RBFOX1: variants seen among roughly 807,000 people sequenced by gnomAD.
The protein encoded by RBFOX1 is RNA binding fox-1 homolog 1, also known as RNA binding protein fox-1 homolog 1.
Under a neutral mutation model 57.7 loss-of-function variants are expected in RBFOX1, and 8 were observed. The ratio of observed to expected loss-of-function variants is 0.14; its 90% CI spans 0.08 to 0.25. The LOEUF (loss-of-function observed/expected upper bound fraction) is 0.25, where lower values mean the gene tolerates loss of function less well. RBFOX1 is among the 10% of genes least tolerant of loss of function. The pLI, the probability that RBFOX1 is intolerant of heterozygous loss-of-function variation, is 1.00. For synonymous variants in RBFOX1, 326 were observed against 222.4 expected (o/e 1.47, Z -4.15); for missense variants, 611 against 548.5 (o/e 1.11, Z -1.14).
chr16:6,530,180 C>T (rs1567573203), intron 2 of RBFOX1, among the ~76,000 whole-genome samples: 1 of 152,124 alleles, frequency 6.6e-6, no homozygotes, highest in Admixed American at 6.6e-5. Flanking sequence ...TTTTGTATGA[C>T]TTTGGAGCAT....
intron 3 of RBFOX1, among the ~76,000 whole-genome samples, chr16:6,710,233 C>G (rs1467061277): frequency 6.6e-6 from 1 of 152,108 alleles, no homozygotes; most frequent in Non-Finnish European, 1.5e-5. Flanking sequence ...TCCTTAACTT[C>G]TCAAAGCCAA....
chr16:5,985,312 G>C (rs796389391), intron 4 of RBFOX1, among the ~76,000 whole-genome samples: 7 of 139,844 alleles, frequency 5.0e-5, no homozygotes, highest in Admixed American at 1.5e-4. Flanking sequence ...TAATCTTATG[G>C]GGCCATTGTC....
chr16:7,684,819 A>G (rs1598039616), intron 14 of RBFOX1, among the ~76,000 whole-genome samples: 1 of 152,058 alleles, frequency 6.6e-6, no homozygotes, highest in East Asian at 1.9e-4. Context: ...GTGGGAGTGG[A>G]GGCACTTTAA....
intron 1 of RBFOX1, among the ~76,000 whole-genome samples, chr16:5,284,134 T>TGAGAG: frequency 6.6e-6 from 1 of 152,158 alleles, no homozygotes; most frequent in Middle Eastern, 3.5e-3. Context: ...CCTGCTGCCA[T>TGAGAG]CCATGTGAGC....
At chr16:7,420,532 C>G (rs947372556) in intron 4 of RBFOX1, among the ~76,000 whole-genome samples, 1 of 152,056 alleles carries the variant, frequency 6.6e-6, no homozygotes, top group African/African-American at 2.4e-5. Context: ...ATCAACCAGG[C>G]CTTTTCTGCA....
chr16:6,545,289 T>A (rs1444047804), intron 2 of RBFOX1, among the ~76,000 whole-genome samples: 1 of 152,140 alleles, frequency 6.6e-6, no homozygotes, highest in Non-Finnish European at 1.5e-5. Context: ...TTCCCCATCT[T>A]TTCCCCCTCC....
intron 4 of RBFOX1, among the ~76,000 whole-genome samples, chr16:7,284,618 A>C (rs1365430380): frequency 6.6e-6 from 1 of 152,196 alleles, no homozygotes; most frequent in Non-Finnish European, 1.5e-5. Context: ...GGCATAAGCC[A>C]CCACTCCTGG....
At chr16:7,506,577 C>A (rs943637823) in intron 4 of RBFOX1, among the ~76,000 whole-genome samples, 36 of 144,836 alleles carry the variant, frequency 2.5e-4, no homozygotes, top group Non-Finnish European at 1.5e-5. Context: ...ATTACCATCA[C>A]CTTCATCATC....
intron 2 of RBFOX1, among the ~76,000 whole-genome samples, chr16:6,410,594 A>G (rs1460898302): frequency 6.6e-6 from 1 of 152,094 alleles, no homozygotes; most frequent in Non-Finnish European, 1.5e-5. Flanking sequence ...TACAGGTGTG[A>G]GCCACCGCGC....
chr16:7,665,678 AT>A (rs2069039282), intron 13 of RBFOX1, among the ~76,000 whole-genome samples: 1 of 152,212 alleles, frequency 6.6e-6, no homozygotes, highest in African/African-American at 2.4e-5. Flanking sequence ...TGATATGAGC[AT>A]TGACGATATG....
At chr16:5,645,832 AT>A (rs935084204) in intron 3 of RBFOX1, among the ~76,000 whole-genome samples, 37 of 152,138 alleles carry the variant, frequency 2.4e-4, no homozygotes, top group African/African-American at 8.2e-4. Flanking sequence ...CATCTGGCTA[AT>A]TTTTTTAAAA....
At chr16:5,244,154 C>A (rs1394480860) in intron 1 of RBFOX1, among the ~76,000 whole-genome samples, 1 of 152,142 alleles carries the variant, frequency 6.6e-6, no homozygotes, top group African/African-American at 2.4e-5. Flanking sequence ...GCCTCGGCCT[C>A]CCAAGGTGCT....
At chr16:6,541,543 G>C (rs1297158559) in intron 2 of RBFOX1, among the ~76,000 whole-genome samples, 1 of 152,192 alleles carries the variant, frequency 6.6e-6, no homozygotes, top group African/African-American at 2.4e-5. Flanking sequence ...AGGGCATAGT[G>C]AATGGAATAT....
intron 1 of RBFOX1, among the ~76,000 whole-genome samples, chr16:5,289,853 T>A (rs2063491099): frequency 6.6e-6 from 1 of 152,254 alleles, no homozygotes; most frequent in African/African-American, 2.4e-5. Context: ...CAGAGTTCTA[T>A]GACCCAGCAC....
At chr16:6,448,022 G>A (rs778133200) in intron 2 of RBFOX1, among the ~76,000 whole-genome samples, 1 of 152,078 alleles carries the variant, frequency 6.6e-6, no homozygotes, top group Non-Finnish European at 1.5e-5. Context: ...GGTAGTTAGA[G>A]TGTTGAGTTC....
At chr16:6,114,102 C>A (rs1034260989) in intron 1 of RBFOX1, among the ~76,000 whole-genome samples, 1 of 151,898 alleles carries the variant, frequency 6.6e-6, no homozygotes, top group Non-Finnish European at 1.5e-5. Context: ...TTTTTTTCTC[C>A]CTTCATCTTC....
At chr16:5,774,905 A>G (rs559585214) in intron 3 of RBFOX1, among the ~76,000 whole-genome samples, 34 of 152,124 alleles carry the variant, frequency 2.2e-4, no homozygotes, top group African/African-American at 7.2e-4. Flanking sequence ...CTGGTCTCGA[A>G]CTCCTGACCT....
chr16:7,118,207 C>T (rs902444224), intron 4 of RBFOX1, among the ~76,000 whole-genome samples: 2 of 152,136 alleles, frequency 1.3e-5, no homozygotes, highest in African/African-American at 4.8e-5. Flanking sequence ...TTCCCACCAG[C>T]AGCATATAAG....
intron 3 of RBFOX1, among the ~76,000 whole-genome samples, chr16:6,684,061 T>C (rs776399031): frequency 8.5e-5 from 13 of 152,108 alleles, no homozygotes; most frequent in Non-Finnish European, 1.6e-4. Flanking sequence ...TCAAATTTGT[T>C]TGCATCTCAT....
Sources: allele counts gnomAD v4.1 joint callset (sites outside exome capture counted in the v4.1 genomes callset), GRCh38; gene constraint gnomAD v4.1.1; transcripts MANE v1.5; gene names NCBI Gene and HGNC (gene_info 2026-07-23, HGNC 2026-07-21).